ENOX2: variants seen among roughly 807,000 people sequenced by gnomAD.
The protein encoded by ENOX2 is APK1 antigen.
A neutral mutation model predicts 45.0 loss-of-function variants in ENOX2; 36 were observed. The ratio of observed to expected loss-of-function variants is 0.80; its 90% CI spans 0.61 to 1.06. The LOEUF (loss-of-function observed/expected upper bound fraction) is 1.06. Among genes scored for constraint, ENOX2 ranks in the 50% least tolerant of loss-of-function variants. The probability of loss-of-function intolerance (pLI) is 0.00; values close to 1 mark genes in which losing one functional copy is unlikely to be tolerated. For missense variants in ENOX2, 423 were observed against 462.5 expected (o/e 0.91, Z 0.78); for synonymous variants, 174 against 152.3 (o/e 1.14, Z -1.05).
intron 3 of ENOX2, chrX:130,709,269 A>T: frequency 8.3e-7 from 1 of 1,208,256 alleles, no homozygotes; most frequent in Non-Finnish European, 1.1e-6. Context: ...GTAGACCCAC[A>T]GCCATCTAAA....
At chrX:130,821,742 T>TAAAAAAAAAA in intron 2 of ENOX2, among the ~76,000 whole-genome samples, 68 of 23,163 alleles carry the variant, frequency 2.9e-3, no homozygotes, top group Middle Eastern at 0.029. Flanking sequence ...ATAAATAAAT[T>TAAAAAAAAAA]AAAAAAAAAA....
rs186606966 is a variant in ENOX2 at position 130,889,380 on chromosome X, C to G, written c.-183+12304G>C. 2.0e-3 allele frequency among the ~76,000 whole-genome samples: 223 copies of G among 112,373 alleles called. 4 individuals carry two copies. The highest frequency in any genetic ancestry group is 0.02 in the Admixed American group (208 of 10,611). On this transcript the variant is annotated intron_variant, in intron 2 of 14. Transcript: ENST00000394363. ...CTGTGCCCTCAAACAAGTGCCCATC[C>G]TACTTCTTGTAAGAAGAAAGAAAAC...
At chrX:130,718,714 T>A (rs1374951612) in intron 3 of ENOX2, among the ~76,000 whole-genome samples, 1 of 111,533 alleles carries the variant, frequency 9.0e-6, no homozygotes, top group East Asian at 2.8e-4. Context: ...AAAGCCAGCA[T>A]ATCACAGATA....
chrX:130,723,962 T>TC (rs1038105751), intron 3 of ENOX2, among the ~76,000 whole-genome samples: 2 of 111,275 alleles, frequency 1.8e-5, no homozygotes, highest in African/African-American at 6.5e-5. Context: ...AAATTACCCG[T>TC]CCCCCCGCAG....
At chrX:130,685,251 GGAGATGAAGTCAAA>G (rs1445062356) in intron 5 of ENOX2, among the ~76,000 whole-genome samples, 1 of 111,201 alleles carries the variant, frequency 9.0e-6, no homozygotes, top group Non-Finnish European at 1.9e-5. Context: ...GAGGAGAGTA[GGAGATGAAGTCAAA>G]GAGACAATGG....
At chrX:130,742,246 T>C (rs369171732) in intron 3 of ENOX2, among the ~76,000 whole-genome samples, 35 of 67,206 alleles carry the variant, frequency 5.2e-4, no homozygotes, top group African/African-American at 1.7e-3. Flanking sequence ...GATAATTTCC[T>C]TTTTTTTTTT....
rs140348654 is a variant in ENOX2, at chrX:130,884,469, C to A, written c.-183+17215G>T. Among the ~76,000 whole-genome samples, 79 of 111,021 alleles carry A rather than the reference C, an allele frequency of 7.1e-4. 2 individuals carry two copies. The highest frequency in any genetic ancestry group is 2.5e-3 in the African/African-American group (75 of 30,550). ...AACATCGAGTCATTAATCTAGTACA[C>A]GGGACAGTCTCTAATAAATTCAGAT... On this transcript the variant is annotated intron_variant, in intron 2 of 14. Transcript: ENST00000394363.
chrX:130,785,256 C>CAG (rs2076951671), intron 2 of ENOX2, among the ~76,000 whole-genome samples: 1 of 102,876 alleles, frequency 9.7e-6, no homozygotes, highest in Non-Finnish European at 2.0e-5. Flanking sequence ...ACCCGGTAGG[C>CAG]AGAGGTTGCA....
chrX:130,692,490 T>C (rs2037629080), intron 4 of ENOX2, among the ~76,000 whole-genome samples: 1 of 112,702 alleles, frequency 8.9e-6, no homozygotes, highest in Non-Finnish European at 1.9e-5. Flanking sequence ...TTATCGTCTC[T>C]TCTAACACCA....
chrX:130,686,699 CAAT>C (rs758058426), intron 5 of ENOX2, among the ~76,000 whole-genome samples: 2 of 112,042 alleles, frequency 1.8e-5, no homozygotes, highest in Non-Finnish European at 3.8e-5. Context: ...CCACCAACAA[CAAT>C]GTCACTTTTG....
At chrX:130,874,862 C>A (rs1050137741) in intron 2 of ENOX2, among the ~76,000 whole-genome samples, 2 of 110,630 alleles carry the variant, frequency 1.8e-5, no homozygotes, top group African/African-American at 6.6e-5. Flanking sequence ...CCCCCCCCGA[C>A]ACACACAAAC....
Position 130,728,947 on chromosome X carries a change from TTAGA to T in ENOX2, c.-38-25697_-38-25694del, listed in dbSNP as rs762207382. 1.8e-3 allele frequency among the ~76,000 whole-genome samples: 202 copies of T among 111,427 alleles called. 2 individuals carry two copies. Among genetic ancestry groups the T allele is most frequent in the African/African-American group, 6.2e-3 (189 of 30,679 alleles). ...TTTTCAATGAGGAGGAAAGAACCTG[TTAGA>T]TAGGAAAGGAAACTGAAGTCTGTGG... On this transcript the variant is annotated intron_variant, in intron 3 of 14. Transcript: ENST00000394363.
At chrX:130,691,109 A>C (rs1420085600) in intron 4 of ENOX2, among the ~76,000 whole-genome samples, 1 of 101,313 alleles carries the variant, frequency 9.9e-6, no homozygotes, top group Non-Finnish European at 2.0e-5. Context: ...TCTCCTCCAT[A>C]TAGTAGTTAT....
intron 3 of ENOX2, among the ~76,000 whole-genome samples, chrX:130,720,162 A>T (rs2038438777): frequency 1.8e-5 from 2 of 112,511 alleles, no homozygotes; most frequent in Admixed American, 1.9e-4. Context: ...GCCCCCAATT[A>T]CTGCCAAGTG....
At chrX:130,840,317 C>T (rs192238598) in intron 2 of ENOX2, among the ~76,000 whole-genome samples, 57 of 109,847 alleles carry the variant, frequency 5.2e-4, no homozygotes, top group Non-Finnish European at 9.3e-4. Flanking sequence ...ACCATTATGC[C>T]TTATGTTCAA....
At chrX:130,822,067 C>CA (rs759582186) in intron 2 of ENOX2, among the ~76,000 whole-genome samples, 1,370 of 18,309 alleles carry the variant, frequency 0.075, 71 homozygotes, top group Non-Finnish European at 0.093. Flanking sequence ...GACTCCGTCT[C>CA]AAAAAAAAAA....
chrX:130,850,513 A>C (rs2078186331), intron 2 of ENOX2, among the ~76,000 whole-genome samples: 1 of 112,048 alleles, frequency 8.9e-6, no homozygotes, highest in South Asian at 3.7e-4. Context: ...TCCATTATTC[A>C]TTCTATTATT....
At chrX:130,812,068 G>T (rs1202997032) in intron 2 of ENOX2, among the ~76,000 whole-genome samples, 1 of 111,633 alleles carries the variant, frequency 9.0e-6, no homozygotes, top group Non-Finnish European at 1.9e-5. Flanking sequence ...GGATTTATGG[G>T]GTAGCATCAA....
chrX:130,877,214 G>A (rs2078721769), intron 2 of ENOX2, among the ~76,000 whole-genome samples: 1 of 111,663 alleles, frequency 9.0e-6, no homozygotes, highest in African/African-American at 3.3e-5. Flanking sequence ...AAAACTTGAT[G>A]CTGTGGTTTA....
Sources: gnomAD v4.1 joint callset for allele counts (sites outside exome capture counted in the v4.1 genomes callset) on GRCh38, gnomAD v4.1.1 for gene constraint, MANE v1.5 for transcripts, NCBI Gene and HGNC (gene_info 2026-07-23, HGNC 2026-07-21) for gene names.